The following SLC43A2 variants were observed in gnomAD, a reference collection of about 807,000 sequenced individuals.
The protein encoded by SLC43A2 is large neutral amino acids transporter small subunit 4.
In SLC43A2, 38 loss-of-function variants were observed where a neutral mutation model predicts 63.2. The ratio of observed to expected loss-of-function variants is 0.60; its 90% CI spans 0.46 to 0.79. SLC43A2 has a LOEUF of 0.79. Among genes scored for constraint, SLC43A2 ranks in the 30% least tolerant of loss-of-function variants. The probability of loss-of-function intolerance (pLI) is 0.00; values close to 1 mark genes in which losing one functional copy is unlikely to be tolerated. For missense variants in SLC43A2, 644 were observed against 756.2 expected (o/e 0.85, Z 1.74); for synonymous variants, 322 against 331.0 (o/e 0.97, Z 0.30).
intron 2 of SLC43A2, among the ~76,000 whole-genome samples, chr17:1,624,927 AG>A: frequency 6.6e-6 from 1 of 152,258 alleles, no homozygotes; most frequent in African/African-American, 2.4e-5. Flanking sequence ...AGGTAGCCGC[AG>A]CCCCCCAGGC....
At chr17:1,615,842 C>CAGTA (rs1907600829) in intron 3 of SLC43A2, among the ~76,000 whole-genome samples, 1 of 118,840 alleles carries the variant, frequency 8.4e-6, no homozygotes, top group African/African-American at 3.3e-5. Flanking sequence ...GACTCCATCT[C>CAGTA]AATAAATAAA....
chr17:1,607,634 T>A (rs2151067074), intron 5 of SLC43A2, among the ~76,000 whole-genome samples: 1 of 152,112 alleles, frequency 6.6e-6, no homozygotes, highest in South Asian at 2.1e-4. Context: ...GCACATGCCC[T>A]CAGACGAGGA....
rs372871741 is a variant in SLC43A2, at chr17:1,578,276, G to A, written c.1398C>T (p.Ser466=). Residue 466 remains serine, a synonymous_variant, in exon 12 of 14, where the codon TCC becomes TCT. Transcript: ENST00000301335. The surrounding 1 kb of genome is among the most constrained non-coding windows in gnomAD (Gnocchi z 6.5). ...LHTIVRGFIH[S]AVGGLYAAVY... is the part of the protein sequence containing the mutation. ...CGGCAGCGTACAGGCCCCCGACAGC[G>A]GAGTGGATGAATCCTCGCACGATTG... 104 of 1,613,912 alleles carry A rather than the reference G, an allele frequency of 6.4e-5. No individual in the cohort carries two copies. Among genetic ancestry groups the A allele is most frequent in the Admixed American group, 1.0e-4 (6 of 59,996 alleles).
Position 1,585,772 on chromosome 17 carries a change from GTCTC to G in SLC43A2, c.1217+137_1217+140del, listed in dbSNP as rs778005571. On this transcript the variant is annotated intron_variant, in intron 10 of 13. Coordinates refer to ENST00000301335, the MANE Select transcript of SLC43A2 (RefSeq NM_152346.3). ...AACGCATGCTGAGCTGAATGAGTGA[GTCTC>G]TCTAAGGGCTCCGGGAGCAGCTGGA... The G allele has an allele frequency of 7.5e-6, 12 of 1,595,516 alleles. No homozygotes were observed. The South Asian group carries it at 1.3e-4, about 18-fold the overall frequency.
At chr17:1,604,562 G>A in intron 5 of SLC43A2, 2 of 674,414 alleles carry the variant, frequency 3.0e-6, no homozygotes, top group Non-Finnish European at 2.5e-6. Context: ...ACTTAGTGTA[G>A]ACATCTCATC....
intron 9 of SLC43A2, chr17:1,586,927 A>AGGGCC: frequency 5.9e-6 from 8 of 1,355,930 alleles, no homozygotes; most frequent in African/African-American, 1.4e-5. Context: ...TTCCCTGACA[A>AGGGCC]TCCCCCCCAC....
At chr17:1,594,614 G>A (rs1598456726) in intron 5 of SLC43A2, among the ~76,000 whole-genome samples, 1 of 123,862 alleles carries the variant, frequency 8.1e-6, no homozygotes, top group South Asian at 2.8e-4. Flanking sequence ...TTGAGACGGA[G>A]TCTCGCTCTT....
At chr17:1,625,585 C>T (rs774956455) in intron 2 of SLC43A2, among the ~76,000 whole-genome samples, 2 of 152,168 alleles carry the variant, frequency 1.3e-5, no homozygotes, top group African/African-American at 4.8e-5. Flanking sequence ...CACTCCCAGA[C>T]GAGCCAAATG....
intron 2 of SLC43A2, among the ~76,000 whole-genome samples, chr17:1,618,695 A>T (rs1398849923): frequency 2.6e-5 from 4 of 152,244 alleles, no homozygotes; most frequent in Non-Finnish European, 4.4e-5. Context: ...AATAAATAAA[A>T]ACAACAGGGC....
rs2076053865 is a variant in SLC43A2 at position 1,583,568 on chromosome 17, T to G, written c.1218-232A>C. ...GGAGGGGGTCTCGGGTACAAGAAGATGGCCATCCATATGCTGCAGTGCTCT... is the reference window on the plus strand; with the variant it reads ...GGAGGGGGTCTCGGGTACAAGAAGAGGGCCATCCATATGCTGCAGTGCTCT... On this transcript the variant is annotated intron_variant, in intron 10 of 13. Coordinates refer to ENST00000301335, the MANE Select transcript of SLC43A2 (RefSeq NM_152346.3). The surrounding 1 kb of genome is among the most constrained non-coding windows in gnomAD (Gnocchi z 5.5). 3.4e-6 allele frequency: 2 copies of G among 591,528 alleles called. No individual in the cohort carries two copies. Among genetic ancestry groups the G allele is most frequent in the Admixed American group, 6.3e-5 (2 of 31,888 alleles). 36.6% of individuals were successfully genotyped at this position (591,528 alleles called of 1,614,324 possible).
intron 5 of SLC43A2, 105 bp downstream of exon 5, chr17:1,613,090 G>A: frequency 3.0e-6 from 3 of 1,012,830 alleles, no homozygotes; most frequent in Non-Finnish European, 4.5e-6. Flanking sequence ...GGACACCCAG[G>A]CACATGCAGG....
chr17:1,619,611 C>A (rs2151078744), intron 2 of SLC43A2, among the ~76,000 whole-genome samples: 1 of 152,364 alleles, frequency 6.6e-6, no homozygotes, highest in East Asian at 1.9e-4. Flanking sequence ...AGCCGACAGG[C>A]CTGGGCCACT....
intron 11 of SLC43A2, among the ~76,000 whole-genome samples, chr17:1,580,937 T>C (rs1357736358): frequency 1.3e-5 from 2 of 152,100 alleles, no homozygotes; most frequent in East Asian, 1.9e-4. Flanking sequence ...GGTGTCGCCA[T>C]ATTGCCCAGG....
intron 2 of SLC43A2, among the ~76,000 whole-genome samples, chr17:1,617,436 G>C (rs890750223): frequency 2.0e-5 from 3 of 152,060 alleles, no homozygotes; most frequent in Non-Finnish European, 1.5e-5. Context: ...TGTTGCCCAG[G>C]CTGGAGTGCA....
intron 9 of SLC43A2, chr17:1,586,927 A>AGGGGGC: frequency 2.2e-6 from 3 of 1,355,936 alleles, no homozygotes; most frequent in Non-Finnish European, 3.0e-6. Flanking sequence ...TTCCCTGACA[A>AGGGGGC]TCCCCCCCAC....
At chr17:1,616,299 A>G (rs1907655747) in intron 3 of SLC43A2, 1 of 508,350 alleles carries the variant, frequency 2.0e-6, no homozygotes, top group African/African-American at 1.9e-5. Context: ...AAGGGATGGG[A>G]AACACATGTT....
rs1906550584 is a variant in SLC43A2 at position 1,605,746 on chromosome 17, A to G, written c.501+7449T>C. ...GGCCGGGATCCCGGAACCAGACTGCACAGGTAGACTCTGCCAGGCTGGGCT... is the reference window on the plus strand; with the variant it reads ...GGCCGGGATCCCGGAACCAGACTGCGCAGGTAGACTCTGCCAGGCTGGGCT... On this transcript the variant is annotated intron_variant, in intron 5 of 13. Coordinates refer to ENST00000301335, the MANE Select transcript of SLC43A2 (RefSeq NM_152346.3). The surrounding 1 kb of genome is among the most constrained non-coding windows in gnomAD (Gnocchi z 4.9). 2.0e-5 allele frequency among the ~76,000 whole-genome samples: 3 copies of G among 152,186 alleles called. No individual in the cohort carries two copies. Among genetic ancestry groups the G allele is most frequent in the Admixed American group, 2.0e-4 (3 of 15,280 alleles).
Position 1,605,124 on chromosome 17 carries a change from C to T in SLC43A2, c.501+8071G>A, listed in dbSNP as rs1906479961. The T allele has an allele frequency of 1.5e-6, 2 of 1,305,584 alleles. No individual in the cohort carries two copies. Among genetic ancestry groups the T allele is most frequent in the Non-Finnish European group, 2.0e-6 (2 of 1,021,024 alleles). 80.9% of individuals were successfully genotyped at this position (1,305,584 alleles called of 1,614,324 possible). On this transcript the variant is annotated intron_variant, in intron 5 of 13. Coordinates refer to ENST00000301335, the MANE Select transcript of SLC43A2 (RefSeq NM_152346.3). The surrounding 1 kb of genome is among the most constrained non-coding windows in gnomAD (Gnocchi z 4.9). ...CCTCTTCCCGCCCTCAGGTGCTTCCCACAGCCCCCTCGCCGCCTCTGCCTC... is the reference window on the plus strand; with the variant it reads ...CCTCTTCCCGCCCTCAGGTGCTTCCTACAGCCCCCTCGCCGCCTCTGCCTC...
chr17:1,588,214 C>A (rs556409479), intron 9 of SLC43A2, among the ~76,000 whole-genome samples: 1 of 151,214 alleles, frequency 6.6e-6, no homozygotes, highest in African/African-American at 2.4e-5. Context: ...GGTGAAACTC[C>A]GTCTCTACTA....
Sources: gnomAD v4.1 joint callset for allele counts (sites outside exome capture counted in the v4.1 genomes callset) on GRCh38, gnomAD v4.1.1 for gene constraint, Gnocchi (gnomAD v3.1) non-coding constraint, MANE v1.5 for transcripts, NCBI Gene and HGNC (gene_info 2026-07-23, HGNC 2026-07-21) for gene names.